The following RASSF8 variants were observed in gnomAD, a reference collection of about 807,000 sequenced individuals.
RASSF8 encodes the protein ras association domain-containing protein 8.
In RASSF8, 22 loss-of-function variants were observed where a neutral mutation model predicts 48.5. The ratio of observed to expected loss-of-function variants is 0.45; its 90% CI spans 0.32 to 0.65. The LOEUF (loss-of-function observed/expected upper bound fraction) is 0.65, where lower values mean the gene tolerates loss of function less well. Among genes scored for constraint, RASSF8 ranks in the 30% least tolerant of loss-of-function variants. The probability of loss-of-function intolerance (pLI) is 0.03; values close to 1 mark genes in which losing one functional copy is unlikely to be tolerated. For missense variants in RASSF8, 418 were observed against 489.2 expected (o/e 0.85, Z 1.37); for synonymous variants, 127 against 171.5 (o/e 0.74, Z 2.03).
chr12:26,047,689 C>G (rs915079769), intron 2 of RASSF8, among the ~76,000 whole-genome samples: 1 of 152,178 alleles, frequency 6.6e-6, no homozygotes, highest in Admixed American at 6.5e-5. Flanking sequence ...TAGCTGGTAA[C>G]TACCGTCTCT....
At chr12:26,051,981 AC>A (rs1943501326) in intron 2 of RASSF8, among the ~76,000 whole-genome samples, 1 of 152,216 alleles carries the variant, frequency 6.6e-6, no homozygotes, top group African/African-American at 2.4e-5. Context: ...AATCCCACCA[AC>A]AAAACTCACA....
intron 1 of RASSF8, among the ~76,000 whole-genome samples, chr12:25,972,364 A>G (rs929664955): frequency 3.3e-5 from 5 of 152,054 alleles, no homozygotes; most frequent in African/African-American, 1.2e-4. Flanking sequence ...TATATAAGCT[A>G]TAATATGTAA....
intron 1 of RASSF8, among the ~76,000 whole-genome samples, chr12:25,992,389 G>A (rs1942034658): frequency 6.6e-6 from 1 of 152,192 alleles, no homozygotes; most frequent in Admixed American, 6.5e-5. Flanking sequence ...TTAACCTTTT[G>A]ATTCTTTTCT....
rs116863339 is a variant in RASSF8 at position 26,006,224 on chromosome 12, G to A, written c.-109+11094G>A. On this transcript the variant is annotated intron_variant, in intron 2 of 5. Transcript: ENST00000689635. Reference sequence around the variant, plus strand: ...TCCCTTCCCTTCAGGATGTCCCAAGGAACTGTGTCTGTGTTCTGTAGTTTC... The same window carrying A: ...TCCCTTCCCTTCAGGATGTCCCAAGAAACTGTGTCTGTGTTCTGTAGTTTC... Among the ~76,000 whole-genome samples, 7 of 152,212 alleles carry A rather than the reference G, an allele frequency of 4.6e-5. No homozygotes were observed. The East Asian group carries it at 1.4e-3, about 29-fold the overall frequency.
intron 2 of RASSF8, among the ~76,000 whole-genome samples, chr12:26,002,530 C>T (rs1462227621): frequency 6.6e-6 from 1 of 152,090 alleles, no homozygotes; most frequent in Non-Finnish European, 1.5e-5. Context: ...AATCCCAGCA[C>T]TTTGGGAGGC....
intron 1 of RASSF8, among the ~76,000 whole-genome samples, chr12:25,969,834 CTGGGCCAGGGGT>C (rs1427791260): frequency 3.3e-5 from 5 of 152,068 alleles, no homozygotes; most frequent in South Asian, 4.2e-4. Flanking sequence ...TGGCCAGGGG[CTGGGCCAGGGGT>C]ACTCAGCATC....
At chr12:26,060,289 C>T (rs6487526) in intron 3 of RASSF8, among the ~76,000 whole-genome samples, 104,183 of 151,976 alleles carry the variant, frequency 0.69, 35,720 homozygotes, top group East Asian at 0.8. Flanking sequence ...TGGGAAGATA[C>T]ACTGTGGATG....
At chr12:26,004,903 C>T (rs937000926) in intron 2 of RASSF8, among the ~76,000 whole-genome samples, 56 of 151,598 alleles carry the variant, frequency 3.7e-4, no homozygotes, top group African/African-American at 1.3e-3. Flanking sequence ...CTTATAATCC[C>T]AGCACTTTGG....
At chr12:26,078,025 T>C (rs4580000) in intron 5 of RASSF8, among the ~76,000 whole-genome samples, 7,450 of 152,270 alleles carry the variant, frequency 0.049, 594 homozygotes, top group African/African-American at 0.17. Flanking sequence ...AGGTGATAAC[T>C]GAGTAAATCC....
At chr12:26,000,974 A>T (rs1053733890) in intron 2 of RASSF8, among the ~76,000 whole-genome samples, 18 of 142,180 alleles carry the variant, frequency 1.3e-4, no homozygotes, top group Non-Finnish European at 2.6e-4. Flanking sequence ...CATGTATTTT[A>T]AAATTTCCTT....
rs1345882095 is a variant in RASSF8 at position 26,071,345 on chromosome 12, T to A, written c.*2527T>A. Reference sequence around the variant, plus strand: ...GTATACAAAAATACCAAATATAAAATTTTCATCTGGGGGAATGTTCAGGTT... The same window carrying A: ...GTATACAAAAATACCAAATATAAAAATTTCATCTGGGGGAATGTTCAGGTT... On this transcript the variant is annotated 3_prime_UTR_variant, in exon 6 of 6. Transcript: ENST00000689635. The A allele has an allele frequency of 9.3e-6, 9 of 969,516 alleles. No individual in the cohort carries two copies. The highest frequency in any genetic ancestry group is 1.1e-5 in the Non-Finnish European group (9 of 815,576). 60.1% of individuals were successfully genotyped at this position (969,516 alleles called of 1,614,324 possible). A position where few individuals can be genotyped will look rare whatever the true frequency, so the allele number is the denominator to read the frequency against.
Position 26,068,763 on chromosome 12 carries a change from G to T in RASSF8, c.1205G>T (p.Arg402Leu). The T allele has an allele frequency of 6.5e-7, 1 of 1,537,188 alleles. No individual in the cohort carries two copies. The highest frequency in any genetic ancestry group is 1.2e-5 in the South Asian group (1 of 84,048). ...TCTCGGCAGCTCCCCAGTAATCTCC[G>T]CATTCTGCAGAATCCTATCTCATCT... ...GSSRQLPSNL[R>L]ILQNPISSGF... The change falls in exon 6 of 6, where the codon CGC becomes CTC. Residue 402 changes from arginine to leucine, a missense_variant. Coordinates refer to ENST00000689635, the MANE Select transcript of RASSF8 (RefSeq NM_001394098.1).
At chr12:25,983,807 A>G (rs976625319) in intron 1 of RASSF8, among the ~76,000 whole-genome samples, 1 of 152,180 alleles carries the variant, frequency 6.6e-6, no homozygotes, top group South Asian at 2.1e-4. Context: ...AAAATAGTGA[A>G]CAACCAGTAC....
intron 3 of RASSF8, among the ~76,000 whole-genome samples, chr12:26,062,504 C>G (rs899014982): frequency 6.6e-6 from 1 of 152,172 alleles, no homozygotes; most frequent in African/African-American, 2.4e-5. Context: ...CAATACTACT[C>G]TTATCCCACA....
At chr12:26,027,452 C>T (rs936560413) in intron 2 of RASSF8, among the ~76,000 whole-genome samples, 6 of 152,120 alleles carry the variant, frequency 3.9e-5, no homozygotes, top group African/African-American at 1.4e-4. Context: ...GTCAGCAGGC[C>T]CTCACTTAAG....
chr12:26,063,144 G>T (rs937267335), intron 3 of RASSF8, among the ~76,000 whole-genome samples: 1 of 152,134 alleles, frequency 6.6e-6, no homozygotes, highest in Non-Finnish European at 1.5e-5. Context: ...AGCCAGGAAG[G>T]TAAATCAATC....
intron 3 of RASSF8, among the ~76,000 whole-genome samples, chr12:26,059,425 A>G (rs1472667381): frequency 1.3e-5 from 2 of 152,228 alleles, no homozygotes; most frequent in African/African-American, 4.8e-5. Context: ...TTCTACATTT[A>G]TAAAGTAATA....
chr12:25,969,076 G>A (rs1205961767), intron 1 of RASSF8, among the ~76,000 whole-genome samples: 6 of 152,234 alleles, frequency 3.9e-5, no homozygotes, highest in Non-Finnish European at 4.4e-5. Flanking sequence ...AGGCTGGGGG[G>A]AGCAAAGGGC....
intron 2 of RASSF8, among the ~76,000 whole-genome samples, chr12:26,013,284 G>A (rs1366678687): frequency 6.6e-6 from 1 of 152,164 alleles, no homozygotes; most frequent in Non-Finnish European, 1.5e-5. Flanking sequence ...CTTCTCTAGT[G>A]ATAGCCACCT....
Sources: gnomAD v4.1 joint callset for allele counts (sites outside exome capture counted in the v4.1 genomes callset) on GRCh38, gnomAD v4.1.1 for gene constraint, MANE v1.5 for transcripts, NCBI Gene and HGNC (gene_info 2026-07-23, HGNC 2026-07-21) for gene names.